Variants in INTS10 observed in about 807,000 individuals in gnomAD.
INTS10 encodes integrator complex subunit 10.
A neutral mutation model predicts 94.4 loss-of-function variants in INTS10; 44 were observed. That is an observed-to-expected ratio of 0.47 (90% confidence interval 0.37 to 0.60). The LOEUF is 0.60. INTS10 is among the 20% of genes least tolerant of loss of function. The pLI, the probability that INTS10 is intolerant of heterozygous loss-of-function variation, is 0.00. For synonymous variants in INTS10, 341 were observed against 320.7 expected (o/e 1.06, Z -0.68); for missense variants, 797 against 868.7 (o/e 0.92, Z 1.04).
chr8:19,833,446 T>A (rs1028863311), intron 12 of INTS10, 125 bp downstream of exon 12: 4 of 615,284 alleles, frequency 6.5e-6, no homozygotes, highest in Non-Finnish European at 9.7e-6. Context: ...CCTAGATTTA[T>A]TACTTAATCT....
chr8:19,824,136 G>C (rs2410612), intron 7 of INTS10, 92 bp downstream of exon 7: 1 of 1,105,884 alleles, frequency 9.0e-7, no homozygotes, highest in South Asian at 1.7e-5. Context: ...GTAATGCGTA[G>C]GTATAGTTTT....
rs369254274 is a variant in INTS10, at chr8:19,851,612, C to A, written c.1977-37C>A. 37 of 1,609,048 alleles carry A rather than the reference C, an allele frequency of 2.3e-5. No homozygotes were observed. The highest frequency in any genetic ancestry group is 3.3e-5 in the Admixed American group (2 of 59,978). ...AGCGATCAGCGATGCTGGTGCTAACCCCTGGTCTTTGTCTGTTTCCCTATT... is the reference window on the plus strand; with the variant it reads ...AGCGATCAGCGATGCTGGTGCTAACACCTGGTCTTTGTCTGTTTCCCTATT... On this transcript the variant is annotated intron_variant, in intron 16 of 16. Transcript: ENST00000397977. The surrounding 1 kb of genome is among the most constrained non-coding windows in gnomAD (Gnocchi z 5.0).
At chr8:19,825,524 C>CA (rs56304709) in intron 8 of INTS10, among the ~76,000 whole-genome samples, 103,557 of 139,934 alleles carry the variant, frequency 0.74, 37,600 homozygotes, top group Non-Finnish European at 0.79. Flanking sequence ...GACTCCATCT[C>CA]AAAAAAAAAA....
Position 19,852,053 on chromosome 8 carries a change from A to T in INTS10, c.*248A>T. The stretch of plus-strand genomic sequence containing the variant: ...CCAATCTGTTTTGTAAATAAAAATC[A>T]TCCTAAAATTTGAAGTTTTTAAAAA... On this transcript the variant is annotated 3_prime_UTR_variant, in exon 17 of 17. Coordinates refer to ENST00000397977, the MANE Select transcript of INTS10 (RefSeq NM_018142.4). 1 of 325,380 alleles carries T rather than the reference A, an allele frequency of 3.1e-6. No individual in the cohort carries two copies. Among genetic ancestry groups the T allele is most frequent in the Non-Finnish European group, 5.6e-6 (1 of 178,662 alleles). 20.2% of individuals were successfully genotyped at this position (325,380 alleles called of 1,614,324 possible).
At position 19,826,600 on chromosome 8, in the gene INTS10, C is replaced by T. The variant is rs373669022; in HGVS notation, c.1140+41C>T. 45 of 1,571,282 alleles carry T rather than the reference C, an allele frequency of 2.9e-5. No homozygotes were observed. In the East Asian group the frequency reaches 3.0e-4, roughly 10 times the overall value. The stretch of plus-strand genomic sequence containing the variant: ...ATACTTATTAACAGATTGGATGGGA[C>T]GCTTTGCTAGAGATGAATCTTTGTA... On this transcript the variant is annotated intron_variant, in intron 9 of 16. Transcript: ENST00000397977.
intron 10 of INTS10, among the ~76,000 whole-genome samples, chr8:19,830,910 G>A (rs4614014): frequency 0.061 from 9,319 of 152,240 alleles, 327 homozygotes; most frequent in Non-Finnish European, 0.071. Flanking sequence ...CTGACCACGT[G>A]ATCCGCCCAC....
At chr8:19,838,853 C>T (rs775231519) in intron 13 of INTS10, among the ~76,000 whole-genome samples, 17 of 151,932 alleles carry the variant, frequency 1.1e-4, no homozygotes, top group Non-Finnish European at 1.9e-4. Context: ...AGGAGGATCA[C>T]GAGGTCAGGA....
In INTS10 at chr8:19,844,218, A is replaced by AT; in HGVS notation, c.1868dup (p.Asn624GlnfsTer7). On this transcript the variant is annotated frameshift_variant, in exon 15 of 17. Coordinates refer to ENST00000397977, the MANE Select transcript of INTS10 (RefSeq NM_018142.4). LOFTEE classifies it high-confidence loss of function. Reference sequence around the variant, plus strand: ...CAACAAGGAAATTTCCAATATGAGAATTTTTTCAATTACGTTACAAGTATC... The same window carrying AT: ...CAACAAGGAAATTTCCAATATGAGAATTTTTTTCAATTACGTTACAAGTATC... 1.2e-6 allele frequency: 2 copies of AT among 1,610,928 alleles called. No individual in the cohort carries two copies. The highest frequency in any genetic ancestry group is 1.1e-5 in the South Asian group (1 of 90,960).
At chr8:19,832,580 A>G (rs1215329989) in intron 11 of INTS10, among the ~76,000 whole-genome samples, 2 of 152,172 alleles carry the variant, frequency 1.3e-5, no homozygotes, top group Non-Finnish European at 2.9e-5. Flanking sequence ...AAACAAAACG[A>G]AACAAAAACT....
At chr8:19,828,234 A>G (rs77750306) in intron 9 of INTS10, among the ~76,000 whole-genome samples, 3,491 of 152,288 alleles carry the variant, frequency 0.023, 136 homozygotes, top group African/African-American at 0.08. Context: ...AATAAAATAG[A>G]AACCTAGCAT....
At chr8:19,841,335 T>G (rs1324043484) in intron 13 of INTS10, among the ~76,000 whole-genome samples, 1 of 152,078 alleles carries the variant, frequency 6.6e-6, no homozygotes, top group Non-Finnish European at 1.5e-5. Context: ...ACATTAAAAT[T>G]AAAATACCAA....
chr8:19,830,576 C>A lies in INTS10; in HGVS notation c.1294+17C>A. On this transcript the variant is annotated intron_variant, in intron 10 of 16. Transcript: ENST00000397977. ...TTGACAAAGGTAAGAAAGCGCATGT[C>A]ATTGGTGCTGTTTGATGTTTTATAT... is the stretch of plus-strand genomic sequence containing the variant. 6.2e-7 allele frequency: 1 copy of A among 1,601,696 alleles called. No homozygotes were observed. Among genetic ancestry groups the A allele is most frequent in the South Asian group, 1.1e-5 (1 of 88,930 alleles).
At chr8:19,819,697 G>A in intron 3 of INTS10, 21 bp downstream of exon 3, 2 of 1,548,066 alleles carry the variant, frequency 1.3e-6, no homozygotes. Flanking sequence ...TGGTGTATAA[G>A]TTACCATTTC....
At chr8:19,821,203 C>T (rs1401655399) in intron 4 of INTS10, 1 of 152,168 alleles carries the variant, frequency 6.6e-6, no homozygotes, top group Admixed American at 6.5e-5. Context: ...GTACTACAAA[C>T]TGGGTAGCTT....
In INTS10 at chr8:19,817,502, G is replaced by A. The variant is rs1347153186; in HGVS notation, c.-36G>A. 3 of 1,593,180 alleles carry A rather than the reference G, an allele frequency of 1.9e-6. No individual in the cohort carries two copies. In the African/African-American group the frequency reaches 4.0e-5, roughly 21 times the overall value. ...TGAGAGTCCAGAGCCGGACGTTCCG[G>A]CCGCTTCGGGCTGGCGGCTGGAGAG... On this transcript the variant is annotated 5_prime_UTR_variant, in exon 1 of 17. Coordinates refer to ENST00000397977, the MANE Select transcript of INTS10 (RefSeq NM_018142.4).
Position 19,824,931 on chromosome 8 carries a change from C to T in INTS10, c.965C>T (p.Ala322Val). 6.2e-7 allele frequency: 1 copy of T among 1,613,848 alleles called. No individual in the cohort carries two copies. The highest frequency in any genetic ancestry group is 8.5e-7 in the Non-Finnish European group (1 of 1,179,876). Reference sequence around the variant, plus strand: ...ACCATGCTGGTCTTCTTTAAGAATGCATTCCAGTATGTCAACAGCATACAG... The same window carrying T: ...ACCATGCTGGTCTTCTTTAAGAATGTATTCCAGTATGTCAACAGCATACAG... ...YSTMLVFFKNAFQYVNSIQPS... is the reference protein window; with the variant it reads ...YSTMLVFFKNVFQYVNSIQPS... The change falls in exon 8 of 17, where the codon GCA becomes GTA. Residue 322 changes from alanine to valine, a missense_variant. Around this residue, in one of 3 missense-constraint regions of INTS10, gnomAD observed 734 missense variants for 787.8 expected, o/e 0.93. Coordinates refer to ENST00000397977, the MANE Select transcript of INTS10 (RefSeq NM_018142.4).
intron 16 of INTS10, 77 bp downstream of exon 16, chr8:19,845,874 T>C (rs2068539190): frequency 2.1e-6 from 2 of 941,592 alleles, no homozygotes; most frequent in Admixed American, 3.9e-5. Flanking sequence ...TGTAAATGTC[T>C]ATACCTATCA....
Position 19,846,118 on chromosome 8 carries a change from C to T in INTS10, c.1976+321C>T, listed in dbSNP as rs2068562458. Among the ~76,000 whole-genome samples, 1 of 151,916 alleles carries T rather than the reference C, an allele frequency of 6.6e-6. No individual in the cohort carries two copies. The highest frequency in any genetic ancestry group is 1.5e-5 in the Non-Finnish European group (1 of 67,988). On this transcript the variant is annotated intron_variant, in intron 16 of 16. Coordinates refer to ENST00000397977, the MANE Select transcript of INTS10 (RefSeq NM_018142.4). The surrounding 1 kb of genome is among the most constrained non-coding windows in gnomAD (Gnocchi z 4.2). ...AAGTTTCTGATTAGTCACAGAGTGCCTTTAATTAAGAACAGTTGTGTGGCC... is the reference window on the plus strand; with the variant it reads ...AAGTTTCTGATTAGTCACAGAGTGCTTTTAATTAAGAACAGTTGTGTGGCC...
intron 10 of INTS10, among the ~76,000 whole-genome samples, chr8:19,830,891 C>A (rs1047028916): frequency 2.0e-5 from 3 of 152,180 alleles, no homozygotes; most frequent in African/African-American, 4.8e-5. Context: ...TCAGGCTGGT[C>A]TTGAACTCCT....
Sources: gnomAD v4.1 joint callset for allele counts (sites outside exome capture counted in the v4.1 genomes callset) on GRCh38, gnomAD v4.1.1 for gene constraint, gnomAD v4.1.1 regional missense constraint, Gnocchi (gnomAD v3.1) non-coding constraint, MANE v1.5 for transcripts, NCBI Gene and HGNC (gene_info 2026-07-23, HGNC 2026-07-21) for gene names.